Variants in SGCZ observed in about 807,000 individuals in gnomAD.
SGCZ encodes the protein zeta-sarcoglycan.
SGCZ carries 40 observed loss-of-function variants against 41.3 expected under a neutral mutation model. That is an observed-to-expected ratio of 0.97 (90% CI 0.75 to 1.26). The LOEUF (loss-of-function observed/expected upper bound fraction) is 1.26, where lower values mean the gene tolerates loss of function less well. Ranked by LOEUF, SGCZ falls within the 50% of genes most tolerant of loss-of-function variation. The pLI is 0.00. For synonymous variants in SGCZ, 206 were observed against 137.5 expected, an observed-to-expected ratio of 1.50 and a Z score of -3.49; for missense variants, 552 against 369.8, an observed-to-expected ratio of 1.49 and a Z score of -4.04.
chr8:14,690,129 T>A (rs866679640), intron 1 of SGCZ, among the ~76,000 whole-genome samples: 29 of 151,398 alleles, frequency 1.9e-4, no homozygotes, highest in African/African-American at 6.3e-4. Flanking sequence ...TTTTTTTTTT[T>A]AAAGTCCATG....
chr8:15,007,913 AAT>A (rs1485101157), intron 1 of SGCZ, among the ~76,000 whole-genome samples: 3 of 152,196 alleles, frequency 2.0e-5, no homozygotes, highest in Admixed American at 6.5e-5. Context: ...AATTAGTTCA[AAT>A]ATGTTTTTAT....
chr8:14,378,650 G>A (rs973566889), intron 2 of SGCZ, among the ~76,000 whole-genome samples: 2 of 152,144 alleles, frequency 1.3e-5, no homozygotes, highest in Non-Finnish European at 2.9e-5. Flanking sequence ...ATAGCTGGTT[G>A]GTCACAAGTA....
chr8:14,212,281 A>T (rs1805834134), intron 4 of SGCZ, among the ~76,000 whole-genome samples: 1 of 152,072 alleles, frequency 6.6e-6, no homozygotes, highest in African/African-American at 2.4e-5. Flanking sequence ...GGCTAGTGAA[A>T]AACCTACCAG....
chr8:15,141,147 C>A (rs1211807342), intron 1 of SGCZ, among the ~76,000 whole-genome samples: 2 of 152,184 alleles, frequency 1.3e-5, no homozygotes, highest in African/African-American at 2.4e-5. Context: ...ACATTTATGA[C>A]AAATATTGAG....
At chr8:14,506,743 C>T (rs896670917) in intron 2 of SGCZ, among the ~76,000 whole-genome samples, 7 of 152,122 alleles carry the variant, frequency 4.6e-5, no homozygotes, top group African/African-American at 2.4e-5. Context: ...TCCATCTCAG[C>T]GTTCTTTTTT....
intron 1 of SGCZ, among the ~76,000 whole-genome samples, chr8:14,922,779 T>C (rs542859719): frequency 6.6e-6 from 1 of 152,312 alleles, no homozygotes; most frequent in South Asian, 2.1e-4. Flanking sequence ...CAGTGCAATA[T>C]ATACATATTA....
intron 2 of SGCZ, among the ~76,000 whole-genome samples, chr8:14,396,865 T>G (rs1798934813): frequency 6.6e-6 from 1 of 152,232 alleles, no homozygotes; most frequent in East Asian, 1.9e-4. Context: ...AGCATTATTG[T>G]GCATTTAAAA....
intron 1 of SGCZ, among the ~76,000 whole-genome samples, chr8:14,692,290 A>C (rs1808825368): frequency 6.6e-6 from 1 of 152,116 alleles, no homozygotes; most frequent in African/African-American, 2.4e-5. Flanking sequence ...ATGAGCCAAG[A>C]GAGAAGCATA....
intron 2 of SGCZ, among the ~76,000 whole-genome samples, chr8:14,431,759 G>C (rs1799948321): frequency 6.6e-6 from 1 of 152,084 alleles, no homozygotes; most frequent in African/African-American, 2.4e-5. Flanking sequence ...CACAGAGCGG[G>C]AGAAAATCTT....
chr8:14,806,644 C>T (rs1231573116), intron 1 of SGCZ, among the ~76,000 whole-genome samples: 3 of 151,874 alleles, frequency 2.0e-5, no homozygotes, highest in African/African-American at 4.8e-5. Flanking sequence ...CCGAATTCTA[C>T]CAGAGGTACA....
chr8:14,339,710 C>G (rs1346225476), intron 2 of SGCZ, among the ~76,000 whole-genome samples: 1 of 152,034 alleles, frequency 6.6e-6, no homozygotes, highest in African/African-American at 2.4e-5. Flanking sequence ...ATGCAGCTAC[C>G]TGAAGCAAAG....
intron 2 of SGCZ, among the ~76,000 whole-genome samples, chr8:14,437,986 C>T (rs996790356): frequency 6.6e-5 from 10 of 151,678 alleles, no homozygotes; most frequent in East Asian, 1.9e-4. Flanking sequence ...AAATAGCCTC[C>T]GAGAAATTTT....
chr8:15,171,148 A>G (rs1405435342), intron 1 of SGCZ, among the ~76,000 whole-genome samples: 1 of 152,228 alleles, frequency 6.6e-6, no homozygotes, highest in Non-Finnish European at 1.5e-5. Context: ...CTTTCTAGAC[A>G]TAGATATAAT....
intron 1 of SGCZ, among the ~76,000 whole-genome samples, chr8:15,181,426 G>A (rs1442738444): frequency 6.6e-6 from 1 of 152,082 alleles, no homozygotes; most frequent in Admixed American, 6.6e-5. Flanking sequence ...AAAATAGCAT[G>A]TGTTCCCATG....
chr8:14,405,020 G>T (rs1210424956), intron 2 of SGCZ, among the ~76,000 whole-genome samples: 3 of 152,312 alleles, frequency 2.0e-5, no homozygotes, highest in African/African-American at 4.8e-5. Context: ...TGGTGAGGCA[G>T]CTGCCAAACC....
At chr8:14,177,714 C>T (rs545679507) in intron 4 of SGCZ, among the ~76,000 whole-genome samples, 81 of 131,024 alleles carry the variant, frequency 6.2e-4, no homozygotes, top group African/African-American at 2.2e-3. Flanking sequence ...TTAGTAGAGA[C>T]GGGGTTTCAC....
intron 2 of SGCZ, among the ~76,000 whole-genome samples, chr8:14,430,685 T>G (rs1799919299): frequency 6.6e-6 from 1 of 152,132 alleles, no homozygotes; most frequent in Non-Finnish European, 1.5e-5. Flanking sequence ...GTACTTGAAG[T>G]TCTAGTCAGA....
At chr8:15,225,024 T>C (rs1181504288) in intron 1 of SGCZ, among the ~76,000 whole-genome samples, 1 of 152,164 alleles carries the variant, frequency 6.6e-6, no homozygotes, top group Non-Finnish European at 1.5e-5. Context: ...CTCTAATTTG[T>C]AGTTTAAACA....
intron 1 of SGCZ, among the ~76,000 whole-genome samples, chr8:14,676,144 C>G (rs1385327490): frequency 6.6e-6 from 1 of 152,178 alleles, no homozygotes; most frequent in Admixed American, 6.5e-5. Flanking sequence ...TAAAGACCTC[C>G]TAACACATGA....
Sources: gnomAD v4.1 joint callset for allele counts (sites outside exome capture counted in the v4.1 genomes callset) on GRCh38, gnomAD v4.1.1 for gene constraint, MANE v1.5 for transcripts, NCBI Gene and HGNC (gene_info 2026-07-23, HGNC 2026-07-21) for gene names.